Variants in NTRK2 observed in about 807,000 individuals in gnomAD.
The protein encoded by NTRK2 is BDNF/NT-3 growth factors receptor.
Under a neutral mutation model 94.5 loss-of-function variants are expected in NTRK2, and 13 were observed. The observed-to-expected ratio is 0.14, with a 90% confidence interval of 0.09 to 0.22. The LOEUF is 0.22. NTRK2 is among the 10% of genes least tolerant of loss of function. The pLI is 1.00. For synonymous variants in NTRK2, 372 were observed against 407.4 expected (o/e 0.91, Z 1.05); for missense variants, 639 against 1,071.2 (o/e 0.60, Z 5.63).
chr9:84,760,562 T>G (rs576119694), intron 12 of NTRK2, among the ~76,000 whole-genome samples: 5 of 152,348 alleles, frequency 3.3e-5, no homozygotes, highest in Admixed American at 1.3e-4. Flanking sequence ...GTGCTTCTTT[T>G]AAGCCCTTCA....
chr9:84,931,393 C>T lies in NTRK2; in HGVS notation c.1634-2769C>T, dbSNP rs542624665. ...CTGCACTCCAGCCTGGGCGACAGAGCGAGACTCTGTCTCAAAAAAAAAAAG... is the reference window on the plus strand; with the variant it reads ...CTGCACTCCAGCCTGGGCGACAGAGTGAGACTCTGTCTCAAAAAAAAAAAG... On this transcript the variant is annotated intron_variant, in intron 14 of 18. Transcript: ENST00000277120. 2.0e-4 allele frequency among the ~76,000 whole-genome samples: 28 copies of T among 142,482 alleles called. No individual in the cohort carries two copies. The South Asian group carries it at 4.2e-3, about 22-fold the overall frequency. The allele number at this position is 142,482 out of a possible 152,430, so 93.5% of individuals were successfully genotyped here.
intron 17 of NTRK2, among the ~76,000 whole-genome samples, chr9:84,960,020 G>T (rs1215267925): frequency 1.3e-5 from 2 of 152,186 alleles, no homozygotes; most frequent in African/African-American, 4.8e-5. Context: ...TGTTGGAGTG[G>T]TAAGAAACCC....
intron 15 of NTRK2, among the ~76,000 whole-genome samples, chr9:84,944,215 TCACACACACA>T (rs56021326): frequency 4.2e-5 from 5 of 120,328 alleles, no homozygotes; most frequent in African/African-American, 1.7e-4. Context: ...TCTCTCTCTC[TCACACACACA>T]CACACACACA....
intron 7 of NTRK2, 132 bp downstream of exon 7, chr9:84,723,841 T>C (rs945754788): frequency 3.1e-6 from 4 of 1,272,966 alleles, no homozygotes; most frequent in African/African-American, 1.5e-5. Flanking sequence ...GAGTTTTTGA[T>C]GTACATTCAC....
chr9:84,900,600 G>A (rs1470294376), intron 14 of NTRK2, among the ~76,000 whole-genome samples: 1 of 152,122 alleles, frequency 6.6e-6, no homozygotes, highest in Non-Finnish European at 1.5e-5. Flanking sequence ...ATTCTAAAGG[G>A]ACAAAAGCAG....
chr9:84,853,271 T>C (rs1047269751), intron 12 of NTRK2, among the ~76,000 whole-genome samples: 11 of 152,218 alleles, frequency 7.2e-5, no homozygotes, highest in Non-Finnish European at 1.3e-4. Flanking sequence ...AATTTTCTTT[T>C]ATGGAGTAGG....
At chr9:84,691,481 C>T (rs907935893) in intron 2 of NTRK2, among the ~76,000 whole-genome samples, 5 of 152,096 alleles carry the variant, frequency 3.3e-5, no homozygotes, top group African/African-American at 2.4e-5. Flanking sequence ...GAAGTTGTCT[C>T]CTTTGACAAG....
At chr9:84,920,612 G>A (rs2077534691) in intron 14 of NTRK2, among the ~76,000 whole-genome samples, 1 of 152,164 alleles carries the variant, frequency 6.6e-6, no homozygotes, top group East Asian at 1.9e-4. Context: ...GTTCTGAGGT[G>A]AGAATTCTTC....
At chr9:84,996,736 T>C (rs1417808374) in intron 17 of NTRK2, among the ~76,000 whole-genome samples, 4 of 152,128 alleles carry the variant, frequency 2.6e-5, no homozygotes, top group Non-Finnish European at 4.4e-5. Context: ...ATCTATATCA[T>C]AATATTGTAT....
rs1378590095 is a variant in NTRK2, at chr9:84,670,488, C to T, written c.-261C>T. 4 of 525,570 alleles carry T rather than the reference C, an allele frequency of 7.6e-6. No individual in the cohort carries two copies. In the East Asian group the frequency reaches 9.8e-5, roughly 13 times the overall value. 32.6% of individuals were successfully genotyped at this position (525,570 alleles called of 1,614,324 possible). A position where few individuals can be genotyped will look rare whatever the true frequency, so the allele number is the denominator to read the frequency against. On this transcript the variant is annotated 5_prime_UTR_variant, in exon 2 of 19. Transcript: ENST00000277120. ...GGCGCGCCGGGCCATGCAGCGACGG[C>T]CGCCGCGGAGCTCCGAGCAGCGGTA... is the stretch of plus-strand genomic sequence containing the variant.
At chr9:84,924,384 T>C (rs1339135825) in intron 14 of NTRK2, among the ~76,000 whole-genome samples, 1 of 152,200 alleles carries the variant, frequency 6.6e-6, no homozygotes, top group Non-Finnish European at 1.5e-5. Flanking sequence ...GGAAGAACTT[T>C]AGGGCACAGG....
At chr9:84,983,087 A>G (rs1031558954) in intron 17 of NTRK2, among the ~76,000 whole-genome samples, 2 of 152,144 alleles carry the variant, frequency 1.3e-5, no homozygotes, top group Non-Finnish European at 2.9e-5. Flanking sequence ...TTGCTGATGC[A>G]TGAGCTGAGG....
chr9:84,984,490 AC>A (rs1210241845), intron 17 of NTRK2, among the ~76,000 whole-genome samples: 11 of 78,632 alleles, frequency 1.4e-4, no homozygotes, highest in Admixed American at 3.7e-4. Flanking sequence ...AAACAAACAA[AC>A]AAACAAAAAA....
At chr9:84,692,113 T>C (rs1228350438) in intron 2 of NTRK2, among the ~76,000 whole-genome samples, 2 of 152,194 alleles carry the variant, frequency 1.3e-5, no homozygotes, top group Non-Finnish European at 2.9e-5. Flanking sequence ...ATTGGTGCCA[T>C]GGTACCTGTT....
chr9:85,017,679 C>T (rs937330615), intron 17 of NTRK2, among the ~76,000 whole-genome samples: 3 of 152,228 alleles, frequency 2.0e-5, no homozygotes, highest in African/African-American at 7.2e-5. Flanking sequence ...TTGCAATTTA[C>T]AGTACATTTG....
intron 12 of NTRK2, among the ~76,000 whole-genome samples, chr9:84,761,285 G>A (rs1201862042): frequency 6.6e-6 from 1 of 152,184 alleles, no homozygotes; most frequent in Non-Finnish European, 1.5e-5. Context: ...AAGGAAGGAA[G>A]GGGGAGGTGA....
At chr9:84,836,319 A>G (rs1424198622) in intron 12 of NTRK2, among the ~76,000 whole-genome samples, 1 of 152,030 alleles carries the variant, frequency 6.6e-6, no homozygotes, top group Non-Finnish European at 1.5e-5. Flanking sequence ...GTTGGTTGGG[A>G]AATGATGGCT....
chr9:84,926,728 G>A (rs2077835353), intron 14 of NTRK2, among the ~76,000 whole-genome samples: 2 of 151,804 alleles, frequency 1.3e-5, no homozygotes, highest in African/African-American at 4.8e-5. Flanking sequence ...ACATGTTCGT[G>A]TTATTATTTG....
chr9:85,018,276 A>C (rs550826674), intron 17 of NTRK2, among the ~76,000 whole-genome samples: 157 of 152,320 alleles, frequency 1.0e-3, no homozygotes, highest in African/African-American at 3.6e-3. Flanking sequence ...ATGTTTTCTA[A>C]ACCATATGGT....
Sources: gnomAD v4.1 joint callset for allele counts (sites outside exome capture counted in the v4.1 genomes callset) on GRCh38, gnomAD v4.1.1 for gene constraint, MANE v1.5 for transcripts, NCBI Gene and HGNC (gene_info 2026-07-23, HGNC 2026-07-21) for gene names.